CPT1A: variants seen among roughly 807,000 people sequenced by gnomAD.
CPT1A encodes carnitine O-palmitoyltransferase 1, liver isoform.
CPT1A carries 64 observed loss-of-function variants against 100.8 expected under a neutral mutation model. The observed-to-expected ratio is 0.63, with a 90% CI of 0.52 to 0.78. The LOEUF is 0.78. Among genes scored for constraint, CPT1A ranks in the 30% least tolerant of loss-of-function variants. The pLI is 0.00. For synonymous variants in CPT1A, 363 were observed against 396.0 expected (o/e 0.92, Z 0.99); for missense variants, 802 against 1,034.1 (o/e 0.78, Z 3.08).
At chr11:68,803,919 G>C (rs1855975717) in intron 5 of CPT1A, 81 bp downstream of exon 5, 1 of 1,102,400 alleles carries the variant, frequency 9.1e-7, no homozygotes, top group Non-Finnish European at 1.4e-6. Flanking sequence ...AAATGGCGGT[G>C]ACCTAGTTCA....
intron 1 of CPT1A, among the ~76,000 whole-genome samples, chr11:68,815,691 G>A (rs1310295219): frequency 6.6e-6 from 1 of 152,168 alleles, no homozygotes; most frequent in Admixed American, 6.5e-5. Flanking sequence ...CGCCACCTCT[G>A]CTTAGAGCCC....
chr11:68,784,541 A>C (rs1205753983), intron 10 of CPT1A, among the ~76,000 whole-genome samples: 1 of 152,158 alleles, frequency 6.6e-6, no homozygotes, highest in East Asian at 1.9e-4. Flanking sequence ...CTCAAAAAAA[A>C]AAAGCCTAAT....
chr11:68,809,802 GA>G, intron 3 of CPT1A, among the ~76,000 whole-genome samples: 1 of 152,228 alleles, frequency 6.6e-6, no homozygotes, highest in African/African-American at 2.4e-5. Flanking sequence ...ATCTTACAAA[GA>G]CCCAGATTAT....
chr11:68,786,552 C>T (rs563591744), intron 9 of CPT1A, among the ~76,000 whole-genome samples: 3 of 152,208 alleles, frequency 2.0e-5, no homozygotes, highest in East Asian at 3.9e-4. Flanking sequence ...TTTTTTGAGA[C>T]GGAGTCTCGC....
intron 1 of CPT1A, among the ~76,000 whole-genome samples, chr11:68,821,801 T>G (rs1856592257): frequency 6.6e-6 from 1 of 152,104 alleles, no homozygotes; most frequent in Non-Finnish European, 1.5e-5. Context: ...ATAGGTTTGG[T>G]TCTGTCCGCA....
At chr11:68,829,311 G>A (rs935282351) in intron 1 of CPT1A, among the ~76,000 whole-genome samples, 3 of 152,094 alleles carry the variant, frequency 2.0e-5, no homozygotes, top group Non-Finnish European at 4.4e-5. Flanking sequence ...TTTAATCCAC[G>A]TCACCCCAGG....
Position 68,841,794 on chromosome 11 carries a change from C to T in CPT1A, c.-33G>A. On this transcript the variant is annotated 5_prime_UTR_variant, in exon 1 of 19. Coordinates refer to ENST00000265641, the MANE Select transcript of CPT1A (RefSeq NM_001876.4). This position sits in a 1 kb window ranked among gnomAD's most constrained non-coding sequence, Gnocchi z 6.3. ...CCTCACCGAGTCAGCTACGGAGGTG[C>T]GGCAGCGGCAGCGGCAGCGGCGGCG... The T allele has an allele frequency of 1.0e-6, 1 of 992,254 alleles. No individual in the cohort carries two copies. 61.5% of individuals were successfully genotyped at this position (992,254 alleles called of 1,614,324 possible).
intron 1 of CPT1A, among the ~76,000 whole-genome samples, chr11:68,838,872 T>C (rs1857089057): frequency 6.6e-6 from 1 of 152,230 alleles, no homozygotes; most frequent in Admixed American, 6.5e-5. Context: ...CGGGCCCATC[T>C]GTGCCTCTTT....
At chr11:68,826,544 C>T (rs1245708604) in intron 1 of CPT1A, among the ~76,000 whole-genome samples, 1 of 151,522 alleles carries the variant, frequency 6.6e-6, no homozygotes, top group Non-Finnish European at 1.5e-5. Flanking sequence ...ACCATCGTCG[C>T]TAACACGGTG....
intron 6 of CPT1A, among the ~76,000 whole-genome samples, chr11:68,798,840 G>A (rs1403313002): frequency 1.3e-5 from 2 of 152,206 alleles, no homozygotes; most frequent in Non-Finnish European, 2.9e-5. Flanking sequence ...ACACAGCATC[G>A]TGCTGGTGTA....
chr11:68,782,751 T>C (rs572271730), intron 10 of CPT1A, among the ~76,000 whole-genome samples: 3 of 152,048 alleles, frequency 2.0e-5, no homozygotes, highest in African/African-American at 7.2e-5. Flanking sequence ...TCTCTAGGAG[T>C]GCTTGGCTAT....
chr11:68,794,853 T>C lies in CPT1A; in HGVS notation c.830A>G (p.His277Arg). ...IQAARAGNAI[H>R]AILLYRRKLD... ...TTTGCGCCTGTAAAGCAGGATGGCA[T>C]GGATGGCGTTGCCGGCTCTTGCTGC... The change falls in exon 8 of 19, where the codon CAT becomes CGT. Residue 277 changes from histidine to arginine, a missense_variant. Physicochemically the swap from His to Arg is conservative, Grantham distance 29. Around this residue, in one of 4 missense-constraint regions of CPT1A, gnomAD observed 627 missense variants for 799.3 expected, o/e 0.78. Coordinates refer to ENST00000265641, the MANE Select transcript of CPT1A (RefSeq NM_001876.4). 1 of 1,614,244 alleles carries C rather than the reference T, an allele frequency of 6.2e-7. No homozygotes were observed.
chr11:68,841,124 C>G lies in CPT1A; in HGVS notation c.-14+651G>C, dbSNP rs1047392372. Among the ~76,000 whole-genome samples, 3 of 152,226 alleles carry G rather than the reference C, an allele frequency of 2.0e-5. No individual in the cohort carries two copies. Among genetic ancestry groups the G allele is most frequent in the Non-Finnish European group, 4.4e-5 (3 of 68,036 alleles). ...TGGGGAGGGGGACCGGGGAGACGGACGCTGGGATGGGGTCAGCGGCGCCCT... is the reference window on the plus strand; with the variant it reads ...TGGGGAGGGGGACCGGGGAGACGGAGGCTGGGATGGGGTCAGCGGCGCCCT... On this transcript the variant is annotated intron_variant, in intron 1 of 18. Coordinates refer to ENST00000265641, the MANE Select transcript of CPT1A (RefSeq NM_001876.4). The surrounding 1 kb of genome is among the most constrained non-coding windows in gnomAD (Gnocchi z 6.3).
intron 1 of CPT1A, among the ~76,000 whole-genome samples, chr11:68,829,409 T>C (rs1177597117): frequency 1.3e-5 from 2 of 151,994 alleles, no homozygotes; most frequent in African/African-American, 4.8e-5. Context: ...TGGGAAAAGG[T>C]GGTGTCCCGG....
At chr11:68,771,067 C>T (rs535726587) in intron 14 of CPT1A, among the ~76,000 whole-genome samples, 1 of 152,330 alleles carries the variant, frequency 6.6e-6, no homozygotes, top group Admixed American at 6.5e-5. Context: ...ATTCCCACAC[C>T]TGGGCCACGT....
intron 11 of CPT1A, 64 bp from the exon 12 acceptor site, chr11:68,780,809 A>C (rs1855289474): frequency 1.7e-6 from 2 of 1,186,594 alleles, no homozygotes; most frequent in South Asian, 2.4e-5. Flanking sequence ...GAGACATTGC[A>C]CCTCTCTGCT....
At chr11:68,758,907 C>T (rs1227127324) in intron 18 of CPT1A, among the ~76,000 whole-genome samples, 2 of 151,950 alleles carry the variant, frequency 1.3e-5, no homozygotes, top group Non-Finnish European at 2.9e-5. Context: ...TGTGAGCCAC[C>T]GTGCCTGGCT....
At chr11:68,763,949 A>C (rs1291058943) in intron 14 of CPT1A, among the ~76,000 whole-genome samples, 2 of 152,086 alleles carry the variant, frequency 1.3e-5, no homozygotes, top group Admixed American at 1.3e-4. Flanking sequence ...GATCCCAAAG[A>C]ACCATGGAAC....
rs1006331916 is a variant in CPT1A at position 68,839,571 on chromosome 11, G to A, written c.-14+2204C>T. On this transcript the variant is annotated intron_variant, in intron 1 of 18. Coordinates refer to ENST00000265641, the MANE Select transcript of CPT1A (RefSeq NM_001876.4). ...ACGCACCTCTCCGTGGGAAGGTCGA[G>A]CCCTGCGGTGCCCAGCTGTGGGGAC... 4 of 985,386 alleles carry A rather than the reference G, an allele frequency of 4.1e-6. No individual in the cohort carries two copies. In the African/African-American group the frequency reaches 7.0e-5, roughly 17 times the overall value. 61.0% of individuals were successfully genotyped at this position (985,386 alleles called of 1,614,324 possible).
Sources: allele counts gnomAD v4.1 joint callset (sites outside exome capture counted in the v4.1 genomes callset), GRCh38; gene constraint gnomAD v4.1.1; regional missense constraint gnomAD v4.1.1; non-coding constraint Gnocchi (gnomAD v3.1); transcripts MANE v1.5; gene names NCBI Gene and HGNC (gene_info 2026-07-23, HGNC 2026-07-21).